Variants in DTNA observed in about 807,000 individuals in gnomAD.
DTNA encodes dystrobrevin alpha, also known as dystrophin-related protein 3.
DTNA carries 43 observed loss-of-function variants against 100.7 expected under a neutral mutation model. The observed-to-expected ratio is 0.43, with a 90% CI of 0.33 to 0.55. The LOEUF (loss-of-function observed/expected upper bound fraction) is 0.55. DTNA is among the 20% of genes least tolerant of loss of function. DTNA has a pLI of 0.04. For synonymous variants in DTNA, 349 were observed against 347.9 expected, an observed-to-expected ratio of 1.00 and a Z score of -0.04; for missense variants, 798 against 953.9, an observed-to-expected ratio of 0.84 and a Z score of 2.15.
chr18:34,810,263 C>G (rs976737037), intron 5 of DTNA, among the ~76,000 whole-genome samples: 1 of 152,096 alleles, frequency 6.6e-6, no homozygotes, highest in Non-Finnish European at 1.5e-5. Context: ...TACCCATAGA[C>G]TTTCTAACGC....
At chr18:34,666,058 A>G (rs1006395829) in intron 1 of DTNA, among the ~76,000 whole-genome samples, 1 of 152,094 alleles carries the variant, frequency 6.6e-6, no homozygotes, top group African/African-American at 2.4e-5. Flanking sequence ...AAACATTCCT[A>G]TTTCTCCACA....
chr18:34,623,367 G>A (rs775717943), intron 1 of DTNA, among the ~76,000 whole-genome samples: 4 of 152,066 alleles, frequency 2.6e-5, no homozygotes, highest in Non-Finnish European at 4.4e-5. Context: ...GTAGATTTTT[G>A]GTGTTGGAGT....
intron 15 of DTNA, among the ~76,000 whole-genome samples, chr18:34,856,018 T>C (rs186144986): frequency 2.0e-5 from 3 of 152,168 alleles, no homozygotes; most frequent in Non-Finnish European, 4.4e-5. Context: ...TGCCTTAATA[T>C]CACTCTTGCT....
intron 2 of DTNA, among the ~76,000 whole-genome samples, chr18:34,763,305 A>T (rs930112049): frequency 2.0e-5 from 3 of 152,136 alleles, no homozygotes; most frequent in Non-Finnish European, 2.9e-5. Context: ...CATCTTAGAG[A>T]GCTCATTCCC....
rs1603283337 is a variant in DTNA, at chr18:34,861,880, C to T, written c.1647-2086C>T. ...CTCTTAATGGCAAAAACCGCAGTTA[C>T]TTTTGCACCAACCTAATAATACCAG... On this transcript the variant is annotated intron_variant, in intron 16 of 22. Coordinates refer to ENST00000444659, the MANE Select transcript of DTNA (RefSeq NM_001386795.1). Among the ~76,000 whole-genome samples, 4 of 152,124 alleles carry T rather than the reference C, an allele frequency of 2.6e-5. No individual in the cohort carries two copies. The East Asian group carries it at 7.7e-4, about 29-fold the overall frequency.
At position 34,615,004 on chromosome 18, in the gene DTNA, T is replaced by C. The variant is rs577490443; in HGVS notation, c.-2+121490T>C. On this transcript the variant is annotated intron_variant, in intron 1 of 19. Coordinates refer to the DTNA transcript ENST00000283365. ...CAGCAAACATCATTGTTTCCTTATGTATTACGTCATTCTTGCATTGCTATA... is the reference window on the plus strand; with the variant it reads ...CAGCAAACATCATTGTTTCCTTATGCATTACGTCATTCTTGCATTGCTATA... Among the ~76,000 whole-genome samples the C allele has an allele frequency of 2.6e-5, 4 of 152,324 alleles. No homozygotes were observed. In the South Asian group the frequency reaches 8.3e-4, roughly 32 times the overall value.
At chr18:34,510,095 T>TGG (rs1476192393) in intron 1 of DTNA, among the ~76,000 whole-genome samples, 1 of 51,692 alleles carries the variant, frequency 1.9e-5, no homozygotes, top group East Asian at 7.4e-4. Flanking sequence ...GTGTGTGTGG[T>TGG]TTTTTTGGTT....
chr18:34,672,065 A>G (rs572871271), intron 1 of DTNA, among the ~76,000 whole-genome samples: 2 of 152,330 alleles, frequency 1.3e-5, no homozygotes, highest in African/African-American at 4.8e-5. Context: ...GGTGGGTATA[A>G]TGAGATGCAG....
chr18:34,572,112 T>G (rs937776144), intron 1 of DTNA, among the ~76,000 whole-genome samples: 1 of 152,144 alleles, frequency 6.6e-6, no homozygotes, highest in Non-Finnish European at 1.5e-5. Flanking sequence ...CACAAAAATG[T>G]GAGTAGAATG....
chr18:34,631,645 C>A (rs1019403950), intron 1 of DTNA, among the ~76,000 whole-genome samples: 2 of 152,192 alleles, frequency 1.3e-5, no homozygotes, highest in Non-Finnish European at 2.9e-5. Context: ...TCTTTTAATT[C>A]ATCTGCTAAT....
At chr18:34,831,064 T>G (rs556409712) in intron 11 of DTNA, among the ~76,000 whole-genome samples, 20 of 152,338 alleles carry the variant, frequency 1.3e-4, no homozygotes, top group African/African-American at 4.8e-4. Flanking sequence ...ATCTGCTATC[T>G]TCTTTGGCAT....
intron 16 of DTNA, among the ~76,000 whole-genome samples, chr18:34,862,652 T>G (rs1193446438): frequency 7.2e-5 from 11 of 151,938 alleles, no homozygotes; most frequent in African/African-American, 2.4e-4. Context: ...AAAAAAAGAT[T>G]AGTCAGGCAT....
intron 7 of DTNA, among the ~76,000 whole-genome samples, chr18:34,816,449 A>G (rs1290567134): frequency 1.3e-5 from 2 of 152,248 alleles, no homozygotes; most frequent in Admixed American, 1.3e-4. Context: ...CTTTAGTCAT[A>G]TGTTCCAGAT....
chr18:34,566,635 A>G (rs1464794301), intron 1 of DTNA, among the ~76,000 whole-genome samples: 2 of 152,050 alleles, frequency 1.3e-5, no homozygotes, highest in Admixed American at 1.3e-4. Context: ...TCTACTTGTA[A>G]CCTCTCTTCT....
intron 1 of DTNA, among the ~76,000 whole-genome samples, chr18:34,496,658 G>A (rs1257256080): frequency 6.6e-6 from 1 of 152,142 alleles, no homozygotes; most frequent in East Asian, 1.9e-4. Context: ...GACTGCACAG[G>A]GGGACAAGTT....
At chr18:34,792,584 C>T (rs1399952915) in intron 3 of DTNA, among the ~76,000 whole-genome samples, 5 of 152,022 alleles carry the variant, frequency 3.3e-5, no homozygotes, top group East Asian at 1.9e-4. Flanking sequence ...TTCTCAAAAA[C>T]GGAAACTGTT....
intron 1 of DTNA, among the ~76,000 whole-genome samples, chr18:34,507,899 T>C (rs926045214): frequency 3.9e-5 from 6 of 152,176 alleles, no homozygotes; most frequent in African/African-American, 1.4e-4. Flanking sequence ...AATTTATGCT[T>C]TCAGTGATCC....
In DTNA at chr18:34,888,745, T is replaced by G; in HGVS notation, c.*1011T>G. 6 of 985,902 alleles carry G rather than the reference T, an allele frequency of 6.1e-6. No individual in the cohort carries two copies. The highest frequency in any genetic ancestry group is 7.2e-6 in the Non-Finnish European group (6 of 829,956). The allele number at this position is 985,902 out of a possible 1,614,324, so 61.1% of individuals were successfully genotyped here. A position where few individuals can be genotyped will look rare whatever the true frequency, so the allele number is the denominator to read the frequency against. ...TGGTCTTGTTCCTCTCGTTTTGGCT[T>G]TAGGAAGCATGTCTTTAACAGCACC... On this transcript the variant is annotated 3_prime_UTR_variant, in exon 23 of 23. Coordinates refer to ENST00000444659, the MANE Select transcript of DTNA (RefSeq NM_001386795.1).
At chr18:34,521,868 T>A (rs748242241) in intron 1 of DTNA, among the ~76,000 whole-genome samples, 2 of 152,176 alleles carry the variant, frequency 1.3e-5, no homozygotes, top group African/African-American at 2.4e-5. Context: ...CACTGAAGCA[T>A]ACATATATTG....
Sources: allele counts gnomAD v4.1 joint callset (sites outside exome capture counted in the v4.1 genomes callset), GRCh38; gene constraint gnomAD v4.1.1; transcripts MANE v1.5; gene names NCBI Gene and HGNC (gene_info 2026-07-23, HGNC 2026-07-21).